The following PDLIM5 variants were observed in gnomAD, a reference collection of about 807,000 sequenced individuals.
PDLIM5 encodes the protein PDZ and LIM domain 5.
A neutral mutation model predicts 64.2 loss-of-function variants in PDLIM5; 34 were observed. That is an observed-to-expected ratio of 0.53 (90% CI 0.40 to 0.71). The LOEUF (loss-of-function observed/expected upper bound fraction) is 0.71. Ranked by LOEUF, PDLIM5 falls within the 30% of genes least tolerant of loss-of-function variation. The pLI is 0.00. For missense variants in PDLIM5, 683 were observed against 733.6 expected (o/e 0.93, Z 0.80); for synonymous variants, 253 against 269.1 (o/e 0.94, Z 0.59).
intron 3 of PDLIM5, among the ~76,000 whole-genome samples, chr4:94,545,277 GC>G (rs1732207398): frequency 6.6e-6 from 1 of 152,140 alleles, no homozygotes; most frequent in Admixed American, 6.5e-5. Flanking sequence ...AAATGATGGA[GC>G]CTGCTCCTTT....
chr4:94,526,573 A>C (rs929732296), intron 3 of PDLIM5, among the ~76,000 whole-genome samples: 15 of 152,192 alleles, frequency 9.9e-5, no homozygotes, highest in African/African-American at 3.6e-4. Flanking sequence ...GTAGTATAAC[A>C]TTGACAGTGC....
intron 2 of PDLIM5, among the ~76,000 whole-genome samples, chr4:94,519,341 G>A (rs1269517982): frequency 6.6e-6 from 1 of 152,186 alleles, no homozygotes; most frequent in African/African-American, 2.4e-5. Flanking sequence ...TTTGTGGTAT[G>A]TGCTGTCCTG....
intron 7 of PDLIM5, chr4:94,587,172 G>A (rs1400909588): frequency 2.0e-5 from 30 of 1,469,194 alleles, no homozygotes; most frequent in Non-Finnish European, 2.6e-5. Flanking sequence ...TATTAAATTT[G>A]CCTTATGAAA....
chr4:94,629,403 G>C (rs1739964861), intron 8 of PDLIM5, among the ~76,000 whole-genome samples: 1 of 152,034 alleles, frequency 6.6e-6, no homozygotes, highest in Non-Finnish European at 1.5e-5. Flanking sequence ...TGACTTAATT[G>C]AATGCTGGTA....
rs1341805033 is a variant in PDLIM5 at position 94,455,941 on chromosome 4, T to C, written c.96+557T>C. The C allele has an allele frequency of 3.3e-6, 5 of 1,497,880 alleles. No homozygotes were observed. The South Asian group carries it at 4.9e-5, about 15-fold the overall frequency. 92.8% of individuals were successfully genotyped at this position (1,497,880 alleles called of 1,614,324 possible). On this transcript the variant is annotated intron_variant, in intron 2 of 12. Coordinates refer to ENST00000317968, the MANE Select transcript of PDLIM5 (RefSeq NM_006457.5). ...CTATGAATAATTGAGATTTGGCTTT[T>C]TACCTCATTATGGATTTAGTTTGAA... is the stretch of plus-strand genomic sequence containing the variant.
At chr4:94,572,648 C>G (rs930660846) in intron 3 of PDLIM5, among the ~76,000 whole-genome samples, 1 of 152,050 alleles carries the variant, frequency 6.6e-6, no homozygotes, top group Non-Finnish European at 1.5e-5. Flanking sequence ...GGATTTTTGT[C>G]TTTTTCTTCA....
chr4:94,602,043 G>A lies in PDLIM5; in HGVS notation c.920+15599G>A, dbSNP rs1737544673. On this transcript the variant is annotated intron_variant, in intron 7 of 12. Transcript: ENST00000317968. The stretch of plus-strand genomic sequence containing the variant: ...CTAGCTATGACTCTGATATATTCTA[G>A]TTTCTGCTTAGCAATATTATTACAT... Among the ~76,000 whole-genome samples the A allele has an allele frequency of 3.3e-5, 5 of 152,164 alleles. 1 individual carries two copies. In the South Asian group the frequency reaches 1.0e-3, roughly 31 times the overall value.
chr4:94,481,710 G>A (rs1031832496), intron 2 of PDLIM5, among the ~76,000 whole-genome samples: 2 of 151,648 alleles, frequency 1.3e-5, no homozygotes, highest in African/African-American at 4.8e-5. Flanking sequence ...CTGGGTTCAC[G>A]CCATTCTTCT....
At chr4:94,502,459 C>T (rs541932514) in intron 2 of PDLIM5, among the ~76,000 whole-genome samples, 5 of 152,292 alleles carry the variant, frequency 3.3e-5, no homozygotes. Context: ...TGCCTGGGTT[C>T]CAGCCCCAGC....
intron 9 of PDLIM5, among the ~76,000 whole-genome samples, chr4:94,648,282 A>ATT (rs1741572389): frequency 6.6e-6 from 1 of 151,986 alleles, no homozygotes; most frequent in Non-Finnish European, 1.5e-5. Flanking sequence ...AAAAAAGAAG[A>ATT]CTCAAATTAC....
At chr4:94,502,770 G>A (rs1728045749) in intron 2 of PDLIM5, among the ~76,000 whole-genome samples, 2 of 151,950 alleles carry the variant, frequency 1.3e-5, no homozygotes, top group African/African-American at 4.8e-5. Flanking sequence ...CCAGCTACTC[G>A]GGAGGCTGAG....
chr4:94,646,391 A>G (rs958569511), intron 9 of PDLIM5, among the ~76,000 whole-genome samples: 3 of 152,210 alleles, frequency 2.0e-5, no homozygotes, highest in Non-Finnish European at 4.4e-5. Context: ...CCATCTATAC[A>G]CTAAGGGGAG....
intron 2 of PDLIM5, among the ~76,000 whole-genome samples, chr4:94,469,259 A>T (rs999299190): frequency 1.3e-5 from 2 of 152,326 alleles, no homozygotes; most frequent in Admixed American, 6.5e-5. Context: ...CAAAAAACAT[A>T]AGCAATGTAA....
intron 3 of PDLIM5, among the ~76,000 whole-genome samples, chr4:94,558,021 C>G (rs746919955): frequency 6.6e-6 from 1 of 152,126 alleles, no homozygotes; most frequent in African/African-American, 2.4e-5. Context: ...TTTGCCCATT[C>G]AGTATGATAT....
intron 2 of PDLIM5, among the ~76,000 whole-genome samples, chr4:94,464,847 A>G (rs1724210739): frequency 6.6e-6 from 1 of 152,248 alleles, no homozygotes; most frequent in Non-Finnish European, 1.5e-5. Context: ...CTATTTTAGC[A>G]GACAAAAGTA....
intron 5 of PDLIM5, chr4:94,584,742 C>T (rs978710364): frequency 2.2e-5 from 10 of 448,820 alleles, no homozygotes; most frequent in African/African-American, 2.1e-4. Flanking sequence ...AAGATTTGAT[C>T]ATTTAATTTC....
chr4:94,524,023 A>G (rs1460291528), intron 3 of PDLIM5, 148 bp downstream of exon 3: 4 of 569,730 alleles, frequency 7.0e-6, no homozygotes, highest in Non-Finnish European at 1.2e-5. Context: ...AAATTGGATA[A>G]TTAAGCAGCA....
At chr4:94,478,666 G>T (rs144724142) in intron 2 of PDLIM5, among the ~76,000 whole-genome samples, 20 of 152,158 alleles carry the variant, frequency 1.3e-4, no homozygotes, top group Admixed American at 5.2e-4. Context: ...TAAGTTAAAG[G>T]AAGTTATTAT....
At chr4:94,654,755 G>A (rs1742084707) in intron 10 of PDLIM5, 115 bp downstream of exon 10, 1 of 666,730 alleles carries the variant, frequency 1.5e-6, no homozygotes, top group Admixed American at 2.6e-5. Context: ...TGCCCTCTCT[G>A]CTTTCGGCAC....
Sources: allele counts gnomAD v4.1 joint callset (sites outside exome capture counted in the v4.1 genomes callset), GRCh38; gene constraint gnomAD v4.1.1; transcripts MANE v1.5; gene names NCBI Gene and HGNC (gene_info 2026-07-23, HGNC 2026-07-21).